Variants in PTPRK observed in about 807,000 individuals in gnomAD.
The protein encoded by PTPRK is receptor-type tyrosine-protein phosphatase kappa.
Under a neutral mutation model 178.0 loss-of-function variants are expected in PTPRK, and 75 were observed. The observed-to-expected ratio is 0.42, with a 90% CI of 0.35 to 0.51. The LOEUF (loss-of-function observed/expected upper bound fraction) is 0.51, where lower values mean the gene tolerates loss of function less well. Among genes scored for constraint, PTPRK ranks in the 20% least tolerant of loss-of-function variants. PTPRK has a pLI of 0.02. For synonymous variants in PTPRK, 637 were observed against 620.6 expected, an observed-to-expected ratio of 1.03 and a Z score of -0.39; for missense variants, 1,441 against 1,797.8, an observed-to-expected ratio of 0.80 and a Z score of 3.59.
At chr6:128,515,397 T>C (rs1187667381) in intron 1 of PTPRK, among the ~76,000 whole-genome samples, 9 of 151,964 alleles carry the variant, frequency 5.9e-5, no homozygotes, top group Admixed American at 3.9e-4. Flanking sequence ...TTCAGTACTA[T>C]GACAAACAGC....
chr6:128,448,139 A>G (rs1217119792), intron 1 of PTPRK, among the ~76,000 whole-genome samples: 1 of 152,108 alleles, frequency 6.6e-6, no homozygotes, highest in Non-Finnish European at 1.5e-5. Context: ...TACACGCTAT[A>G]CTGACTCTCC....
intron 4 of PTPRK, among the ~76,000 whole-genome samples, chr6:128,240,884 C>T (rs1244883737): frequency 6.6e-6 from 1 of 152,168 alleles, no homozygotes. Flanking sequence ...ATCCATGTTT[C>T]CCATTGAAAG....
intron 3 of PTPRK, among the ~76,000 whole-genome samples, chr6:128,253,944 A>G (rs535762240): frequency 2.6e-5 from 4 of 152,218 alleles, no homozygotes; most frequent in African/African-American, 4.8e-5. Flanking sequence ...ACATACAGAC[A>G]AAGTTCAGCC....
intron 6 of PTPRK, among the ~76,000 whole-genome samples, chr6:128,196,860 G>A (rs543419998): frequency 3.3e-5 from 5 of 152,086 alleles, no homozygotes; most frequent in African/African-American, 7.2e-5. Flanking sequence ...CCTTTTCCAC[G>A]CTCAGCCAGG....
chr6:128,255,907 C>T (rs1817218474), intron 3 of PTPRK, among the ~76,000 whole-genome samples: 1 of 152,086 alleles, frequency 6.6e-6, no homozygotes, highest in South Asian at 2.1e-4. Flanking sequence ...AGAACTTTTT[C>T]CTTTTCAAGA....
At chr6:127,997,589 G>A (rs1413876141) in intron 16 of PTPRK, among the ~76,000 whole-genome samples, 1 of 151,990 alleles carries the variant, frequency 6.6e-6, no homozygotes, top group Non-Finnish European at 1.5e-5. Context: ...AATTTAAAAC[G>A]GGTGTAAATT....
intron 3 of PTPRK, among the ~76,000 whole-genome samples, chr6:128,281,226 G>A (rs1170819602): frequency 6.6e-6 from 1 of 152,198 alleles, no homozygotes; most frequent in Non-Finnish European, 1.5e-5. Flanking sequence ...GCCAGTATCT[G>A]AGAACAGGGC....
chr6:127,972,958 A>C (rs1774104656), intron 29 of PTPRK, 64 bp downstream of exon 29: 1 of 1,506,108 alleles, frequency 6.6e-7, no homozygotes, highest in South Asian at 1.1e-5. Flanking sequence ...AGTCAAATCA[A>C]TAAGTAGGTA....
chr6:128,110,627 A>C (rs931469375), intron 7 of PTPRK, among the ~76,000 whole-genome samples: 3 of 152,154 alleles, frequency 2.0e-5, no homozygotes, highest in Non-Finnish European at 4.4e-5. Flanking sequence ...AGTAAAAAAA[A>C]AAAATGTCAA....
At chr6:128,514,061 T>G (rs1857568138) in intron 1 of PTPRK, among the ~76,000 whole-genome samples, 1 of 152,142 alleles carries the variant, frequency 6.6e-6, no homozygotes, top group Non-Finnish European at 1.5e-5. Context: ...TGAACAGCGC[T>G]TGGAGAATCG....
intron 2 of PTPRK, among the ~76,000 whole-genome samples, chr6:128,345,253 T>C (rs536910198): frequency 1.4e-4 from 22 of 152,308 alleles, no homozygotes; most frequent in African/African-American, 4.6e-4. Context: ...ATATGGAATA[T>C]ATATCTTTTT....
chr6:128,148,596 T>C (rs926200533), intron 7 of PTPRK, among the ~76,000 whole-genome samples: 2 of 152,130 alleles, frequency 1.3e-5, no homozygotes, highest in African/African-American at 4.8e-5. Context: ...ATTAGCATTT[T>C]ATTATTCCTT....
At chr6:128,210,588 C>G (rs577088513) in intron 6 of PTPRK, among the ~76,000 whole-genome samples, 5 of 152,156 alleles carry the variant, frequency 3.3e-5, no homozygotes, top group African/African-American at 7.2e-5. Flanking sequence ...CTCGGAAGAG[C>G]TGGCTTTGCC....
intron 7 of PTPRK, among the ~76,000 whole-genome samples, chr6:128,102,463 G>T (rs1421916224): frequency 6.6e-6 from 1 of 152,114 alleles, no homozygotes; most frequent in Admixed American, 6.6e-5. Flanking sequence ...TTACAAATGT[G>T]GTCTTTTCCA....
At position 128,396,424 on chromosome 6, in the gene PTPRK, C is replaced by T. The variant is rs547969684; in HGVS notation, c.223+1142G>A. ...AATATTGGAAGGAAAAGAGTTTGTT[C>T]TCTTTCATGTTGTATTTTTAAATTC... is the stretch of plus-strand genomic sequence containing the variant. On this transcript the variant is annotated intron_variant, in intron 2 of 29. Transcript: ENST00000368226. 2.7e-5 allele frequency among the ~76,000 whole-genome samples: 4 copies of T among 150,512 alleles called. No individual in the cohort carries two copies. The South Asian group carries it at 8.4e-4, about 32-fold the overall frequency.
intron 1 of PTPRK, among the ~76,000 whole-genome samples, chr6:128,461,145 G>A (rs1214073942): frequency 6.6e-6 from 1 of 151,944 alleles, no homozygotes; most frequent in Non-Finnish European, 1.5e-5. Flanking sequence ...GTATTGTCAA[G>A]ATTTGTTAGG....
intron 5 of PTPRK, chr6:128,235,539 C>G (rs917935393): frequency 2.2e-5 from 11 of 496,280 alleles, no homozygotes; most frequent in Admixed American, 6.4e-5. Flanking sequence ...ATACAGACAT[C>G]CTTCCTTATC....
chr6:128,218,788 TATG>T (rs1809839716), intron 6 of PTPRK, 131 bp downstream of exon 6: 1 of 833,928 alleles, frequency 1.2e-6, no homozygotes, highest in Non-Finnish European at 1.8e-6. Flanking sequence ...TGAGAAATTG[TATG>T]ATGATATATT....
intron 2 of PTPRK, among the ~76,000 whole-genome samples, chr6:128,345,259 T>G (rs1308187158): frequency 1.3e-5 from 2 of 152,008 alleles, no homozygotes. Context: ...AATATATATC[T>G]TTTTTTTGGT....
Sources: gnomAD v4.1 joint callset for allele counts (sites outside exome capture counted in the v4.1 genomes callset) on GRCh38, gnomAD v4.1.1 for gene constraint, MANE v1.5 for transcripts, NCBI Gene and HGNC (gene_info 2026-07-23, HGNC 2026-07-21) for gene names.